BIVM: variants seen among roughly 807,000 people sequenced by gnomAD.
BIVM encodes basic immunoglobulin-like variable motif-containing protein.
A neutral mutation model predicts 61.4 loss-of-function variants in BIVM; 31 were observed. The observed-to-expected ratio is 0.51, with a 90% CI of 0.38 to 0.68. The LOEUF (loss-of-function observed/expected upper bound fraction) is 0.68. BIVM is among the 30% of genes least tolerant of loss of function. The pLI, the probability that BIVM is intolerant of heterozygous loss-of-function variation, is 0.00. For missense variants in BIVM, 526 were observed against 596.0 expected, an observed-to-expected ratio of 0.88 and a Z score of 1.22; for synonymous variants, 189 against 210.7, an observed-to-expected ratio of 0.90 and a Z score of 0.89.
chr13:102,813,036 C>G (rs1265273738), intron 3 of BIVM, among the ~76,000 whole-genome samples: 2 of 152,100 alleles, frequency 1.3e-5, no homozygotes, highest in East Asian at 3.9e-4. Flanking sequence ...TGAAATTGAC[C>G]AAAATTTGCA....
intron 1 of BIVM, among the ~76,000 whole-genome samples, chr13:102,804,388 G>A (rs1226127155): frequency 6.6e-6 from 1 of 152,158 alleles, no homozygotes; most frequent in Non-Finnish European, 1.5e-5. Context: ...TCAGCTCACT[G>A]CAACCTCCAC....
Position 102,839,912 on chromosome 13 carries a change from T to C in BIVM, c.*47T>C, listed in dbSNP as rs1413916528. ...TGGCATTATATATGAAACTGCTATA[T>C]ACAGGACTGTATAAAGACAGTAGAA... On this transcript the variant is annotated 3_prime_UTR_variant, in exon 11 of 11. Coordinates refer to ENST00000257336, the MANE Select transcript of BIVM (RefSeq NM_017693.4). The C allele has an allele frequency of 2.6e-6, 4 of 1,545,304 alleles. No individual in the cohort carries two copies. Among genetic ancestry groups the C allele is most frequent in the Admixed American group, 1.8e-5 (1 of 54,704 alleles).
intron 7 of BIVM, among the ~76,000 whole-genome samples, chr13:102,830,703 A>G (rs1313448209): frequency 6.6e-6 from 1 of 152,208 alleles, no homozygotes; most frequent in Non-Finnish European, 1.5e-5. Flanking sequence ...GGTTCTTATC[A>G]CACAACAAGG....
At chr13:102,820,984 C>A in intron 4 of BIVM, 53 bp from the exon 5 acceptor site, 1 of 1,519,342 alleles carries the variant, frequency 6.6e-7, no homozygotes. Context: ...CTATTTCTAG[C>A]ATGCATATTT....
At chr13:102,827,564 C>T (rs1005523841) in intron 7 of BIVM, among the ~76,000 whole-genome samples, 3 of 152,048 alleles carry the variant, frequency 2.0e-5, no homozygotes, top group Non-Finnish European at 4.4e-5. Flanking sequence ...TTTACCTTTG[C>T]TAATTGGGGG....
In BIVM at chr13:102,799,242, C is replaced by A; in HGVS notation, c.-486C>A. Reference sequence around the variant, plus strand: ...CACAGATGCCCATCAAAGGGGCGCACGGGTCTGGAGGCGCAGCTCAGGTTT... The same window carrying A: ...CACAGATGCCCATCAAAGGGGCGCAAGGGTCTGGAGGCGCAGCTCAGGTTT... On this transcript the variant is annotated 5_prime_UTR_variant, in exon 1 of 11. Coordinates refer to ENST00000257336, the MANE Select transcript of BIVM (RefSeq NM_017693.4). 1 of 297,000 alleles carries A rather than the reference C, an allele frequency of 3.4e-6. No homozygotes were observed. Among genetic ancestry groups the A allele is most frequent in the Non-Finnish European group, 6.2e-6 (1 of 162,244 alleles). 18.4% of individuals were successfully genotyped at this position (297,000 alleles called of 1,614,324 possible).
chr13:102,828,129 C>T (rs979548715), intron 7 of BIVM, among the ~76,000 whole-genome samples: 4 of 152,176 alleles, frequency 2.6e-5, no homozygotes, highest in Non-Finnish European at 5.9e-5. Flanking sequence ...TAACTGTAAA[C>T]TAAGCACACT....
intron 7 of BIVM, among the ~76,000 whole-genome samples, chr13:102,825,412 T>C (rs931543253): frequency 6.6e-5 from 10 of 152,170 alleles, no homozygotes; most frequent in African/African-American, 2.4e-4. Context: ...TTTCTTTTGA[T>C]TTTTAACAAT....
intron 1 of BIVM, among the ~76,000 whole-genome samples, chr13:102,799,747 C>A (rs1450775945): frequency 6.6e-6 from 1 of 152,218 alleles, no homozygotes; most frequent in African/African-American, 2.4e-5. Context: ...TGCATGGGTG[C>A]GCGCTCTCCC....
chr13:102,804,304 C>T (rs1422008581), intron 1 of BIVM, among the ~76,000 whole-genome samples: 1 of 151,464 alleles, frequency 6.6e-6, no homozygotes, highest in Non-Finnish European at 1.5e-5. Flanking sequence ...GTCACTACCG[C>T]CTGGCTAATT....
intron 4 of BIVM, 117 bp from the exon 5 acceptor site, chr13:102,820,920 A>T: frequency 1.1e-6 from 1 of 893,586 alleles, no homozygotes; most frequent in Non-Finnish European, 1.7e-6. Context: ...TTTTACATTG[A>T]CTTAGGGGAT....
Position 102,833,327 on chromosome 13 carries a change from G to GTTTTTTTTT in BIVM, c.1035-1129_1035-1121dup, listed in dbSNP as rs532303115. ...TGGCTTGGTCATGGGGATAGGATGG[G>GTTTTTTTTT]TTTTTTTTTTTTTTTTTTGAGACAA... is the stretch of plus-strand genomic sequence containing the variant. On this transcript the variant is annotated intron_variant, in intron 8 of 10. Coordinates refer to ENST00000257336, the MANE Select transcript of BIVM (RefSeq NM_017693.4). 9.0e-3 allele frequency among the ~76,000 whole-genome samples: 720 copies of GTTTTTTTTT among 79,562 alleles called. 169 individuals are homozygous for GTTTTTTTTT. The highest frequency in any genetic ancestry group is 0.016 in the Non-Finnish European group (592 of 38,104). The allele number at this position is 79,562 out of a possible 152,430, so 52.2% of individuals were successfully genotyped here. A position where few individuals can be genotyped will look rare whatever the true frequency, so the allele number is the denominator to read the frequency against.
At position 102,807,314 on chromosome 13, in the gene BIVM, G is replaced by T; in HGVS notation, c.47G>T (p.Gly16Val). The stretch of plus-strand genomic sequence containing the variant: ...GAAAGGTCAAATGATTCTGGAAATG[G>T]TGAGCACAAATCTGAGAGAAAGTCA... Reference protein sequence around the residue: ...ETERSNDSGNGEHKSERKSPE... With the variant: ...ETERSNDSGNVEHKSERKSPE... The change falls in exon 3 of 11, where the codon GGT becomes GTT. Residue 16 changes from glycine (G) to valine (V), a missense_variant. Around this residue, in one of 3 missense-constraint regions of BIVM, gnomAD observed 312 missense variants for 343.8 expected, o/e 0.91. Transcript: ENST00000257336. This position sits in a 1 kb window ranked among gnomAD's most constrained non-coding sequence, Gnocchi z 4.0. 6.2e-7 allele frequency: 1 copy of T among 1,613,586 alleles called. No homozygotes were observed. The highest frequency in any genetic ancestry group is 8.5e-7 in the Non-Finnish European group (1 of 1,179,570).
At chr13:102,830,793 G>C (rs1210587356) in intron 7 of BIVM, among the ~76,000 whole-genome samples, 4 of 152,162 alleles carry the variant, frequency 2.6e-5, no homozygotes, top group Non-Finnish European at 5.9e-5. Flanking sequence ...TCAGCAAAGC[G>C]AGAAGGGTTC....
chr13:102,825,188 G>A (rs553076835), intron 7 of BIVM, among the ~76,000 whole-genome samples: 3 of 152,028 alleles, frequency 2.0e-5, no homozygotes, highest in African/African-American at 2.4e-5. Flanking sequence ...CTTGTGATCC[G>A]CCCGCCTCGG....
intron 7 of BIVM, among the ~76,000 whole-genome samples, chr13:102,829,701 T>A (rs1333677166): frequency 6.6e-6 from 1 of 151,830 alleles, no homozygotes; most frequent in African/African-American, 2.4e-5. Context: ...TAGCTGGGCG[T>A]GGTGGTGAGT....
intron 7 of BIVM, among the ~76,000 whole-genome samples, chr13:102,824,323 T>C (rs1054614129): frequency 6.6e-6 from 1 of 152,162 alleles, no homozygotes; most frequent in African/African-American, 2.4e-5. Context: ...GATGTAGGGT[T>C]GTATAGTGTA....
At chr13:102,815,644 A>T (rs970991190) in intron 3 of BIVM, among the ~76,000 whole-genome samples, 1 of 152,222 alleles carries the variant, frequency 6.6e-6, no homozygotes. Context: ...AAAAAAAATT[A>T]AAAAGTACAA....
intron 9 of BIVM, among the ~76,000 whole-genome samples, chr13:102,835,452 T>G (rs1293217964): frequency 2.0e-5 from 3 of 152,166 alleles, no homozygotes. Flanking sequence ...CCATACCCCT[T>G]GGCAGTCACT....
Sources: gnomAD v4.1 joint callset for allele counts (sites outside exome capture counted in the v4.1 genomes callset) on GRCh38, gnomAD v4.1.1 for gene constraint, gnomAD v4.1.1 regional missense constraint, Gnocchi (gnomAD v3.1) non-coding constraint, MANE v1.5 for transcripts, NCBI Gene and HGNC (gene_info 2026-07-23, HGNC 2026-07-21) for gene names.